DAB2IP: variants seen among roughly 807,000 people sequenced by gnomAD.
DAB2IP encodes the protein DAB2 interacting protein.
DAB2IP carries 28 observed loss-of-function variants against 107.2 expected under a neutral mutation model. The observed-to-expected ratio is 0.26, with a 90% CI of 0.19 to 0.36. The LOEUF (loss-of-function observed/expected upper bound fraction) is 0.36. Ranked by LOEUF, DAB2IP falls within the 10% of genes least tolerant of loss-of-function variation. DAB2IP has a pLI of 1.00. For synonymous variants in DAB2IP, 755 were observed against 706.4 expected (o/e 1.07, Z -1.09); for missense variants, 1,400 against 1,644.7 (o/e 0.85, Z 2.57).
At chr9:121,773,129 G>A (rs758656943) in exon 12 of DAB2IP, 27 of 1,611,532 alleles carry the variant, frequency 1.7e-5, no homozygotes, top group African/African-American at 2.7e-5. Context: ...AGGAGTTGGC[G>A]GCTGCTGCCA....
At chr9:121,706,902 A>G (rs1830084970) in intron 3 of DAB2IP, among the ~76,000 whole-genome samples, 1 of 152,190 alleles carries the variant, frequency 6.6e-6, no homozygotes, top group Non-Finnish European at 1.5e-5. Flanking sequence ...GTGAAAACCT[A>G]CGGGAGGGAG....
chr9:121,637,848 G>A (rs1302262779), intron 1 of DAB2IP, among the ~76,000 whole-genome samples: 1 of 152,174 alleles, frequency 6.6e-6, no homozygotes, highest in Non-Finnish European at 1.5e-5. Flanking sequence ...CTGTGGGGAG[G>A]AAAATTAAGA....
chr9:121,606,385 G>A (rs1830871907), intron 1 of DAB2IP, among the ~76,000 whole-genome samples: 1 of 133,050 alleles, frequency 7.5e-6, no homozygotes, highest in Admixed American at 7.5e-5. Flanking sequence ...TAATAATAAT[G>A]TATGCTACAG....
chr9:121,647,814 C>CAT (rs906331024), upstream of DAB2IP, among the ~76,000 whole-genome samples: 36 of 148,830 alleles, frequency 2.4e-4, no homozygotes, highest in African/African-American at 6.1e-4. Context: ...CATATATACA[C>CAT]ATATATATAC....
chr9:121,666,916 A>ACACACACAC (rs1554721728), intron 1 of DAB2IP, among the ~76,000 whole-genome samples: 3 of 110,322 alleles, frequency 2.7e-5, no homozygotes, highest in South Asian at 2.7e-4. Flanking sequence ...ACACACACAC[A>ACACACACAC]ACACTCTTAA....
At chr9:121,755,156 G>A (rs1833387704) in intron 3 of DAB2IP, among the ~76,000 whole-genome samples, 1 of 152,240 alleles carries the variant, frequency 6.6e-6, no homozygotes, top group South Asian at 2.1e-4. Flanking sequence ...TGATGGGGAG[G>A]AGGCCAGGCC....
At position 121,776,541 on chromosome 9, in the gene DAB2IP, G is replaced by T. The variant is rs982537477; in HGVS notation, c.3314+150G>T. 2 of 966,244 alleles carry T rather than the reference G, an allele frequency of 2.1e-6. No homozygotes were observed. The highest frequency in any genetic ancestry group is 5.3e-5 in the East Asian group (2 of 37,524). 59.9% of individuals were successfully genotyped at this position (966,244 alleles called of 1,614,324 possible). On this transcript the variant is annotated intron_variant, in intron 14 of 15. Coordinates refer to ENST00000408936, the Ensembl canonical transcript of DAB2IP. This position sits in a 1 kb window ranked among gnomAD's most constrained non-coding sequence, Gnocchi z 5.4. Reference sequence around the variant, plus strand: ...AGAGTGTCTGGGCAGTGGGAGCAGCGTGAGCACAGGCCTGGAGGCAGGAGG... The same window carrying T: ...AGAGTGTCTGGGCAGTGGGAGCAGCTTGAGCACAGGCCTGGAGGCAGGAGG...
intron 1 of DAB2IP, among the ~76,000 whole-genome samples, chr9:121,580,435 T>G (rs1830165701): frequency 6.6e-6 from 1 of 152,094 alleles, no homozygotes; most frequent in Non-Finnish European, 1.5e-5. Flanking sequence ...TTCTAGCACT[T>G]TTGAGAGGCC....
chr9:121,610,748 G>A lies in DAB2IP; in HGVS notation c.40+43520G>A, dbSNP rs547845804. ...TGTCCTTGAATAGTCAGAGGGGGGC[G>A]CAGAGGAGAGCAGGTACAGCGGTAT... On this transcript the variant is annotated intron_variant, in intron 1 of 16. Transcript: ENST00000259371. 3.9e-5 allele frequency among the ~76,000 whole-genome samples: 6 copies of A among 152,236 alleles called. No individual in the cohort carries two copies. In the South Asian group the frequency reaches 6.2e-4, roughly 16 times the overall value.
rs1461181124 is a variant in DAB2IP, at chr9:121,599,055, C to T, written c.40+31827C>T. 6.6e-6 allele frequency among the ~76,000 whole-genome samples: 1 copy of T among 152,166 alleles called. No homozygotes were observed. The highest frequency in any genetic ancestry group is 1.5e-5 in the Non-Finnish European group (1 of 68,044). Reference sequence around the variant, plus strand: ...CCCCTTCCCAAGCTCTAGTTCCCCCCATTAGTCCCCGGCTCCTGAGGTTGG... The same window carrying T: ...CCCCTTCCCAAGCTCTAGTTCCCCCTATTAGTCCCCGGCTCCTGAGGTTGG... On this transcript the variant is annotated intron_variant, in intron 1 of 16. Transcript: ENST00000259371. This position sits in a 1 kb window ranked among gnomAD's most constrained non-coding sequence, Gnocchi z 6.9.
chr9:121,666,858 C>T (rs970198506), intron 1 of DAB2IP, among the ~76,000 whole-genome samples: 6 of 145,676 alleles, frequency 4.1e-5, no homozygotes, highest in Non-Finnish European at 9.0e-5. Flanking sequence ...ATCCCCTATC[C>T]CCAGCCCCAA....
Position 121,699,591 on chromosome 9 carries a change from G to A in DAB2IP, c.362+133G>A, listed in dbSNP as rs1279169710. ...GGGGGGACCCCACGCCGCCCGCCGG[G>A]AACTTATGGGGCCACCTCGGCCGGA... On this transcript the variant is annotated intron_variant, in intron 3 of 15. Transcript: ENST00000408936. This position sits in a 1 kb window ranked among gnomAD's most constrained non-coding sequence, Gnocchi z 6.2. 2 of 805,282 alleles carry A rather than the reference G, an allele frequency of 2.5e-6. No homozygotes were observed. Among genetic ancestry groups the A allele is most frequent in the African/African-American group, 1.8e-5 (1 of 54,212 alleles). 49.9% of individuals were successfully genotyped at this position (805,282 alleles called of 1,614,324 possible).
chr9:121,602,474 G>A (rs1830716080), intron 1 of DAB2IP, among the ~76,000 whole-genome samples: 1 of 152,062 alleles, frequency 6.6e-6, no homozygotes, highest in Admixed American at 6.6e-5. Context: ...GCTCACTAAG[G>A]CCTCAAACTC....
chr9:121,689,156 T>G (rs1470901393), intron 2 of DAB2IP, among the ~76,000 whole-genome samples: 1 of 152,034 alleles, frequency 6.6e-6, no homozygotes, highest in Non-Finnish European at 1.5e-5. Flanking sequence ...TAGCCGGGCG[T>G]GGTAGCGCAT....
At chr9:121,735,703 G>C (rs1468231824) in intron 3 of DAB2IP, among the ~76,000 whole-genome samples, 1 of 152,168 alleles carries the variant, frequency 6.6e-6, no homozygotes, top group African/African-American at 2.4e-5. Context: ...GAGGTGTGAC[G>C]GTATGATACC....
At chr9:121,657,079 G>T (rs1833000266) in intron 1 of DAB2IP, among the ~76,000 whole-genome samples, 1 of 152,216 alleles carries the variant, frequency 6.6e-6, no homozygotes, top group African/African-American at 2.4e-5. Flanking sequence ...CCACCTGCCT[G>T]GGATAGCTCA....
intron 3 of DAB2IP, among the ~76,000 whole-genome samples, chr9:121,728,365 G>A (rs1831347829): frequency 6.6e-6 from 1 of 152,208 alleles, no homozygotes; most frequent in African/African-American, 2.4e-5. Context: ...AGGCCATAGT[G>A]AGAACAGCAG....
chr9:121,677,671 C>CT (rs1026710286), intron 1 of DAB2IP, among the ~76,000 whole-genome samples: 19 of 151,956 alleles, frequency 1.3e-4, no homozygotes, highest in African/African-American at 3.4e-4. Context: ...TTTCCCCCCG[C>CT]TTTTTTTTGA....
exon 1 of DAB2IP, chr9:121,567,150 A>C: frequency 6.2e-7 from 1 of 1,613,860 alleles, no homozygotes; most frequent in Non-Finnish European, 8.5e-7. Flanking sequence ...GCCTCGGTTC[A>C]TAAATCAGGT....
Sources: gnomAD v4.1 joint callset for allele counts (sites outside exome capture counted in the v4.1 genomes callset) on GRCh38, gnomAD v4.1.1 for gene constraint, Gnocchi (gnomAD v3.1) non-coding constraint, MANE v1.5 for transcripts, NCBI Gene and HGNC (gene_info 2026-07-23, HGNC 2026-07-21) for gene names.